KDM4C: variants seen among roughly 807,000 people sequenced by gnomAD.
KDM4C encodes lysine-specific demethylase 4C.
KDM4C carries 81 observed loss-of-function variants against 129.3 expected under a neutral mutation model. The observed-to-expected ratio is 0.63, with a 90% CI of 0.52 to 0.75. The LOEUF (loss-of-function observed/expected upper bound fraction) is 0.75. Among genes scored for constraint, KDM4C ranks in the 30% least tolerant of loss-of-function variants. The pLI is 0.00. For synonymous variants in KDM4C, 573 were observed against 456.1 expected (o/e 1.26, Z -3.26); for missense variants, 1,457 against 1,304.0 (o/e 1.12, Z -1.81).
At chr9:6,746,129 C>T (rs1312571665) in intron 1 of KDM4C, among the ~76,000 whole-genome samples, 1 of 150,672 alleles carries the variant, frequency 6.6e-6, no homozygotes, top group East Asian at 2.0e-4. Flanking sequence ...TTAGTAGAGA[C>T]GGGGTTTCAC....
intron 12 of KDM4C, among the ~76,000 whole-genome samples, chr9:6,993,608 A>G (rs551810724): frequency 1.3e-5 from 2 of 152,254 alleles, no homozygotes; most frequent in African/African-American, 4.8e-5. Context: ...ATAGAGAAGG[A>G]GGATGTGTAT....
Position 7,033,093 on chromosome 9 carries a change from T to C in KDM4C, c.2260-13769T>C, listed in dbSNP as rs1360291595. On this transcript the variant is annotated intron_variant, in intron 15 of 21. Coordinates refer to ENST00000381309, the MANE Select transcript of KDM4C (RefSeq NM_015061.6). The stretch of plus-strand genomic sequence containing the variant: ...TTTGAGATCAGATTGGCTTATGGCC[T>C]TGAGAGTTCATGGTGGCATTGCTGT... 2.6e-5 allele frequency among the ~76,000 whole-genome samples: 4 copies of C among 152,112 alleles called. No individual in the cohort carries two copies. In the East Asian group the frequency reaches 7.7e-4, roughly 29 times the overall value.
intron 8 of KDM4C, among the ~76,000 whole-genome samples, chr9:6,976,893 T>G (rs1162560206): frequency 6.6e-6 from 1 of 152,128 alleles, no homozygotes; most frequent in Non-Finnish European, 1.5e-5. Context: ...GTATTTTAGA[T>G]CTAAAGGATA....
intron 18 of KDM4C, among the ~76,000 whole-genome samples, chr9:7,118,058 T>C (rs745671821): frequency 3.9e-5 from 6 of 152,220 alleles, no homozygotes; most frequent in Non-Finnish European, 5.9e-5. Context: ...CTCTTCCCAG[T>C]TCTCTTCACT....
chr9:7,158,968 G>A (rs1843487282), intron 19 of KDM4C, among the ~76,000 whole-genome samples: 1 of 152,142 alleles, frequency 6.6e-6, no homozygotes, highest in Non-Finnish European at 1.5e-5. Context: ...ATTATTGTGT[G>A]GGAGTCTAAG....
intron 4 of KDM4C, among the ~76,000 whole-genome samples, chr9:6,838,959 G>A (rs1485484104): frequency 6.6e-6 from 1 of 152,174 alleles, no homozygotes; most frequent in East Asian, 1.9e-4. Context: ...ATACACTATG[G>A]TGTGAAATGG....
chr9:7,013,604 A>G (rs528102355), intron 13 of KDM4C, among the ~76,000 whole-genome samples, 184 bp from the exon 14 acceptor site: 18 of 152,282 alleles, frequency 1.2e-4, no homozygotes, highest in Admixed American at 5.9e-4. Flanking sequence ...GCAGATTAAC[A>G]TTTGGGTGGG....
intron 1 of KDM4C, among the ~76,000 whole-genome samples, chr9:6,779,516 T>C (rs1427295063): frequency 6.6e-6 from 1 of 152,186 alleles, no homozygotes; most frequent in Non-Finnish European, 1.5e-5. Flanking sequence ...CCACAGCAAC[T>C]TCCTGCTCCC....
At position 7,013,975 on chromosome 9, in the gene KDM4C, C is replaced by T; in HGVS notation, c.2156C>T (p.Ala719Val). The change falls in exon 14 of 22, where the codon GCA becomes GTA. Residue 719 changes from alanine to valine, a missense_variant. Ala to Val is a moderately conservative substitution (Grantham distance 64, BLOSUM62 0). Coordinates refer to ENST00000381309, the MANE Select transcript of KDM4C (RefSeq NM_015061.6). ...GGAACAAGTCTCCTTATTTCCTGTGCAAAGTGCTGCGTACGGGTTCATGCA... is the reference window on the plus strand; with the variant it reads ...GGAACAAGTCTCCTTATTTCCTGTGTAAAGTGCTGCGTACGGGTTCATGCA... ...EDGTSLLISC[A>V]KCCVRVHASC... 6.2e-7 allele frequency: 1 copy of T among 1,613,748 alleles called. No homozygotes were observed. Among genetic ancestry groups the T allele is most frequent in the Non-Finnish European group, 8.5e-7 (1 of 1,179,760 alleles).
rs557551939 is a variant in KDM4C, at chr9:6,759,330, G to A, written c.-18+1127G>A. Among the ~76,000 whole-genome samples, 4 of 152,246 alleles carry A rather than the reference G, an allele frequency of 2.6e-5. No homozygotes were observed. In the East Asian group the frequency reaches 5.8e-4, roughly 22 times the overall value. On this transcript the variant is annotated intron_variant, in intron 1 of 21. Coordinates refer to ENST00000381309, the MANE Select transcript of KDM4C (RefSeq NM_015061.6). ...GCTTTACTGTTTCTATGGCAACGGT[G>A]ACTAATATTCTCATTTCGAAGTGTT...
rs1835593339 is a variant in KDM4C, at chr9:6,834,918, CCGGTG to C, written c.436-14588_436-14584del. On this transcript the variant is annotated intron_variant, in intron 4 of 21. Coordinates refer to ENST00000381309, the MANE Select transcript of KDM4C (RefSeq NM_015061.6). Reference sequence around the variant, plus strand: ...TGTACCACTGGTACCGTGATGGACTCCGGTGACGGGGTCACCCACAGTGTGCCCAT... The same window carrying C: ...TGTACCACTGGTACCGTGATGGACTCACGGGGTCACCCACAGTGTGCCCAT... 6.8e-6 allele frequency: 8 copies of C among 1,183,842 alleles called. No homozygotes were observed. In the African/African-American group the frequency reaches 1.2e-4, roughly 18 times the overall value. 73.3% of individuals were successfully genotyped at this position (1,183,842 alleles called of 1,614,324 possible). A position where few individuals can be genotyped will look rare whatever the true frequency, so the allele number is the denominator to read the frequency against.
At chr9:6,976,496 T>C (rs1195019342) in intron 8 of KDM4C, among the ~76,000 whole-genome samples, 2 of 152,248 alleles carry the variant, frequency 1.3e-5, no homozygotes, top group Non-Finnish European at 2.9e-5. Context: ...GTTGGGTTCT[T>C]AAAGCCATTG....
At chr9:7,153,289 A>G (rs997969918) in intron 19 of KDM4C, among the ~76,000 whole-genome samples, 31 of 152,280 alleles carry the variant, frequency 2.0e-4, no homozygotes, top group Middle Eastern at 3.4e-3. Flanking sequence ...CTCTACATGA[A>G]GGGTGCTTAT....
At chr9:6,985,908 C>A (rs576852579) in intron 10 of KDM4C, among the ~76,000 whole-genome samples, 1 of 152,328 alleles carries the variant, frequency 6.6e-6, no homozygotes, top group African/African-American at 2.4e-5. Context: ...CCAGGCTGAT[C>A]TTGAACTTCT....
chr9:7,162,957 A>G (rs1201725733), intron 19 of KDM4C, among the ~76,000 whole-genome samples: 2 of 152,182 alleles, frequency 1.3e-5, no homozygotes, highest in African/African-American at 2.4e-5. Flanking sequence ...TGAGTGATAA[A>G]GCAGATATTG....
At chr9:6,914,677 C>T (rs1463790624) in intron 8 of KDM4C, among the ~76,000 whole-genome samples, 1 of 152,234 alleles carries the variant, frequency 6.6e-6, no homozygotes, top group Non-Finnish European at 1.5e-5. Flanking sequence ...AATGATTAGG[C>T]ATTGAGGGCT....
chr9:6,906,617 T>C (rs559871753), intron 8 of KDM4C, among the ~76,000 whole-genome samples: 1 of 152,312 alleles, frequency 6.6e-6, no homozygotes, highest in African/African-American at 2.4e-5. Flanking sequence ...AATTTTTACA[T>C]TTTTTGTAGA....
At chr9:6,806,872 G>C (rs950564167) in intron 3 of KDM4C, among the ~76,000 whole-genome samples, 117 of 132,720 alleles carry the variant, frequency 8.8e-4, no homozygotes, top group African/African-American at 3.3e-3. Flanking sequence ...CTCCCTCTCC[G>C]TCTCCGTCTC....
chr9:7,169,703 A>C, intron 20 of KDM4C, 95 bp from the exon 21 acceptor site: 1 of 945,668 alleles, frequency 1.1e-6, no homozygotes, highest in Non-Finnish European at 1.6e-6. Flanking sequence ...GTTCTGTTTG[A>C]GTCCTTTTCA....
Sources: allele counts gnomAD v4.1 joint callset (sites outside exome capture counted in the v4.1 genomes callset), GRCh38; gene constraint gnomAD v4.1.1; transcripts MANE v1.5; gene names NCBI Gene and HGNC (gene_info 2026-07-23, HGNC 2026-07-21).